FOXO3: variants seen among roughly 807,000 people sequenced by gnomAD.
The protein encoded by FOXO3 is forkhead box protein O3.
A neutral mutation model predicts 41.9 loss-of-function variants in FOXO3; 4 were observed. That is an observed-to-expected ratio of 0.10 (90% confidence interval 0.05 to 0.22). FOXO3 has a LOEUF of 0.22. Ranked by LOEUF, FOXO3 falls within the 10% of genes least tolerant of loss-of-function variation. The probability of loss-of-function intolerance (pLI) is 1.00; values close to 1 mark genes in which losing one functional copy is unlikely to be tolerated. For synonymous variants in FOXO3, 318 were observed against 389.3 expected (o/e 0.82, Z 2.16); for missense variants, 534 against 906.8 (o/e 0.59, Z 5.28).
intron 2 of FOXO3, among the ~76,000 whole-genome samples, chr6:108,668,088 T>C (rs1442268196): frequency 1.3e-5 from 2 of 152,208 alleles, no homozygotes; most frequent in Non-Finnish European, 2.9e-5. Context: ...CTGTCCCAGC[T>C]TCCCAAGAGT....
At chr6:108,631,176 C>T (rs1777962955) in intron 1 of FOXO3, among the ~76,000 whole-genome samples, 1 of 152,152 alleles carries the variant, frequency 6.6e-6, no homozygotes, top group African/African-American at 2.4e-5. Context: ...AGTACATTTA[C>T]TCATATTCAT....
At chr6:108,644,309 A>C (rs2128380377) in intron 1 of FOXO3, among the ~76,000 whole-genome samples, 1 of 152,322 alleles carries the variant, frequency 6.6e-6, no homozygotes, top group Non-Finnish European at 1.5e-5. Flanking sequence ...AAACACTTAG[A>C]ACAGTGTTTA....
At chr6:108,562,526 T>A (rs1328258311) in intron 1 of FOXO3, among the ~76,000 whole-genome samples, 1 of 152,154 alleles carries the variant, frequency 6.6e-6, no homozygotes, top group Admixed American at 6.5e-5. Flanking sequence ...CCGGCCGGTC[T>A]GGCCACCTCA....
intron 1 of FOXO3, among the ~76,000 whole-genome samples, chr6:108,660,864 C>T (rs1456803208): frequency 6.6e-6 from 1 of 152,012 alleles, no homozygotes; most frequent in Non-Finnish European, 1.5e-5. Context: ...CTGTCCCCTG[C>T]ACTTTGCAAC....
chr6:108,658,806 C>A (rs1778764051), intron 1 of FOXO3, among the ~76,000 whole-genome samples: 1 of 152,130 alleles, frequency 6.6e-6, no homozygotes, highest in Admixed American at 6.5e-5. Flanking sequence ...CAAGTAAGTC[C>A]TATAGAATAA....
intron 1 of FOXO3, among the ~76,000 whole-genome samples, chr6:108,616,807 CT>C (rs748890986): frequency 7.9e-5 from 12 of 152,166 alleles, no homozygotes; most frequent in Non-Finnish European, 1.8e-4. Context: ...TACCCCACTC[CT>C]TTTCAGCCTA....
intron 2 of FOXO3, among the ~76,000 whole-genome samples, chr6:108,677,748 A>G (rs1020813399): frequency 1.3e-5 from 2 of 152,156 alleles, no homozygotes; most frequent in Non-Finnish European, 2.9e-5. Context: ...GTGAAACGCT[A>G]TCTAATCATT....
At position 108,628,052 on chromosome 6, in the gene FOXO3, A is replaced by G. The variant is rs189003294; in HGVS notation, c.622-35403A>G. On this transcript the variant is annotated intron_variant, in intron 1 of 2. Transcript: ENST00000406360. ...CTAAGCCTGTTTTGTCTTTGAAATA[A>G]GAACTTCATAGCATTGTGCAGGTTT... 2.6e-5 allele frequency among the ~76,000 whole-genome samples: 4 copies of G among 152,338 alleles called. 1 individual carries two copies. In the East Asian group the frequency reaches 7.7e-4, roughly 29 times the overall value.
In FOXO3 at chr6:108,619,167, C is replaced by T. The variant is rs192554585; in HGVS notation, c.622-44288C>T. Among the ~76,000 whole-genome samples, 11 of 152,280 alleles carry T rather than the reference C, an allele frequency of 7.2e-5. No individual in the cohort carries two copies. The East Asian group carries it at 1.5e-3, about 21-fold the overall frequency. On this transcript the variant is annotated intron_variant, in intron 1 of 2. Transcript: ENST00000406360. ...AATGCCAAAATCTGCTACTATATTACTCTTTAAAGCAGAGACTGTATAGGA... is the reference window on the plus strand; with the variant it reads ...AATGCCAAAATCTGCTACTATATTATTCTTTAAAGCAGAGACTGTATAGGA...
intron 1 of FOXO3, among the ~76,000 whole-genome samples, chr6:108,606,294 C>T (rs1264847810): frequency 1.3e-5 from 2 of 152,196 alleles, no homozygotes; most frequent in African/African-American, 2.4e-5. Context: ...GAATCCAGTT[C>T]CACAGTATAT....
At chr6:108,671,784 G>C (rs1379676331) in intron 2 of FOXO3, among the ~76,000 whole-genome samples, 1 of 152,190 alleles carries the variant, frequency 6.6e-6, no homozygotes, top group East Asian at 1.9e-4. Flanking sequence ...ACAGTTACCT[G>C]TTGGTGTGAG....
chr6:108,584,581 C>A (rs1776523010), intron 1 of FOXO3, among the ~76,000 whole-genome samples: 1 of 152,138 alleles, frequency 6.6e-6, no homozygotes, highest in East Asian at 1.9e-4. Flanking sequence ...CTTGGTTCAT[C>A]CGTAACATGC....
At chr6:108,661,552 C>T (rs1035444156) in intron 1 of FOXO3, among the ~76,000 whole-genome samples, 1 of 152,170 alleles carries the variant, frequency 6.6e-6, no homozygotes, top group African/African-American at 2.4e-5. Context: ...CCACCATGGA[C>T]TCTGTGTTTT....
intron 1 of FOXO3, among the ~76,000 whole-genome samples, chr6:108,641,393 A>G (rs936337106): frequency 1.1e-4 from 16 of 152,126 alleles, no homozygotes; most frequent in Non-Finnish European, 1.2e-4. Flanking sequence ...AATGTTGACA[A>G]GTTGGTCAGC....
At position 108,561,330 on chromosome 6, in the gene FOXO3, A is replaced by G. The variant is rs1402941576; in HGVS notation, c.122A>G (p.Gln41Arg). ...CTWPLQRPEL[Q>R]ASPAKPSGET... is the part of the protein sequence containing the mutation. ...TGGCCCCTGCAAAGGCCGGAGCTCC[A>G]AGCGAGCCCTGCCAAGCCCTCGGGG... Residue 41 changes from glutamine to arginine, a missense_variant, in exon 1 of 3, where the codon CAA becomes CGA. This residue lies in a region of FOXO3 where 139 missense variants were observed against 163.7 expected (regional missense o/e 0.85). Coordinates refer to ENST00000406360, the MANE Select transcript of FOXO3 (RefSeq NM_001455.4). The G allele has an allele frequency of 8.3e-6, 13 of 1,565,274 alleles. No homozygotes were observed. The highest frequency in any genetic ancestry group is 1.1e-5 in the Non-Finnish European group (13 of 1,158,118).
At chr6:108,585,196 C>T (rs908724632) in intron 1 of FOXO3, among the ~76,000 whole-genome samples, 5 of 151,914 alleles carry the variant, frequency 3.3e-5, no homozygotes, top group African/African-American at 4.8e-5. Context: ...CGCCCGCCAC[C>T]GCGCCCGGCT....
intron 1 of FOXO3, among the ~76,000 whole-genome samples, chr6:108,644,103 C>G (rs912535150): frequency 1.3e-5 from 2 of 152,152 alleles, no homozygotes; most frequent in Non-Finnish European, 2.9e-5. Flanking sequence ...GCTATAGGCT[C>G]CAGATCCTGT....
chr6:108,622,526 TTTTTGTTTTGTTTTATTTG>T (rs1159866973), intron 1 of FOXO3, among the ~76,000 whole-genome samples: 2 of 152,124 alleles, frequency 1.3e-5, no homozygotes, highest in Non-Finnish European at 2.9e-5. Flanking sequence ...TTTTGGTGTT[TTTTTGTTTTGTTTTATTTG>T]TTTTGTTTTG....
chr6:108,636,013 C>T (rs549703052), intron 1 of FOXO3, among the ~76,000 whole-genome samples: 54 of 152,304 alleles, frequency 3.5e-4, no homozygotes, highest in African/African-American at 1.0e-3. Flanking sequence ...TCAGTCTTCC[C>T]GCACAAAGCG....
Sources: allele counts gnomAD v4.1 joint callset (sites outside exome capture counted in the v4.1 genomes callset), GRCh38; gene constraint gnomAD v4.1.1; regional missense constraint gnomAD v4.1.1; transcripts MANE v1.5; gene names NCBI Gene and HGNC (gene_info 2026-07-23, HGNC 2026-07-21).